The following MYH4 variants were observed in gnomAD, a reference collection of about 807,000 sequenced individuals.
MYH4 encodes myosin-4.
MYH4 carries 200 observed loss-of-function variants against 229.9 expected under a neutral mutation model. The observed-to-expected ratio is 0.87, with a 90% CI of 0.78 to 0.98. The LOEUF (loss-of-function observed/expected upper bound fraction) is 0.98, where lower values mean the gene tolerates loss of function less well. Ranked by LOEUF, MYH4 falls within the 50% of genes least tolerant of loss-of-function variation. The pLI, the probability that MYH4 is intolerant of heterozygous loss-of-function variation, is 0.00. For missense variants in MYH4, 2,148 were observed against 2,332.6 expected (o/e 0.92, Z 1.63); for synonymous variants, 761 against 834.6 (o/e 0.91, Z 1.52).
Position 10,466,378 on chromosome 17 carries a change from G to T in MYH4, c.243C>A (p.Asn81Lys), listed in dbSNP as rs1404997745. The T allele has an allele frequency of 6.2e-7, 1 of 1,614,130 alleles. No individual in the cohort carries two copies. The highest frequency in any genetic ancestry group is 1.1e-5 in the South Asian group (1 of 91,078). The change falls in exon 4 of 40, where the codon AAC becomes AAA. Residue 81 changes from asparagine to lysine, a missense_variant. Transcript: ENST00000255381. The stretch of plus-strand genomic sequence containing the variant: ...CCTCGATCTTGTCATATTTGGGAGG[G>T]TTCATGGAGAAGACTTGGTCTTCTT... ...TVKEDQVFSM[N>K]PPKYDKIEDM...
intron 38 of MYH4, 32 bp downstream of exon 38, chr17:10,444,763 A>C (rs1468271815): frequency 6.2e-7 from 1 of 1,612,106 alleles, no homozygotes; most frequent in Admixed American, 1.7e-5. Context: ...CTTGAAAACT[A>C]TAGGCCTGGA....
At position 10,452,435 on chromosome 17, in the gene MYH4, T is replaced by C; in HGVS notation, c.3329A>G (p.Lys1110Arg). Residue 1110 changes from lysine to arginine, a missense_variant, in exon 26 of 40, where the codon AAG becomes AGG. By Grantham distance (26) the Lys-to-Arg change is conservative. Coordinates refer to ENST00000255381, the MANE Select transcript of MYH4 (RefSeq NM_017533.2). ...DEQALAIQLQ[K>R]KIKELQARIE... Reference sequence around the variant, plus strand: ...ACTTACCTGTAATTCTTTGATCTTCTTTTGTAGCTGTATTGCAAGGGCTTG... The same window carrying C: ...ACTTACCTGTAATTCTTTGATCTTCCTTTGTAGCTGTATTGCAAGGGCTTG... 1 of 1,614,184 alleles carries C rather than the reference T, an allele frequency of 6.2e-7. No homozygotes were observed. The highest frequency in any genetic ancestry group is 8.5e-7 in the Non-Finnish European group (1 of 1,180,016).
chr17:10,453,681 C>T lies in MYH4; in HGVS notation c.2896G>A (p.Ala966Thr), dbSNP rs1462271152. Residue 966 changes from alanine (A) to threonine (T), a missense_variant, in exon 23 of 40, where the codon GCC becomes ACC. By Grantham distance (58) the Ala-to-Thr change is moderately conservative. Transcript: ENST00000255381. ...KDIDDLELTL[A>T]KVEKEKHATE... Reference sequence around the variant, plus strand: ...GCATGTTTCTCCTTCTCAACCTTGGCCAGTGTCAGCTCAAGGTCATCAATG... The same window carrying T: ...GCATGTTTCTCCTTCTCAACCTTGGTCAGTGTCAGCTCAAGGTCATCAATG... The T allele has an allele frequency of 2.5e-6, 4 of 1,613,884 alleles. No individual in the cohort carries two copies. The highest frequency in any genetic ancestry group is 3.4e-6 in the Non-Finnish European group (4 of 1,180,008).
At position 10,462,927 on chromosome 17, in the gene MYH4, C is replaced by A; in HGVS notation, c.946G>T (p.Val316Phe). ...GGCACAGTAATTTCCCCTTGGCTGA[C>A]AAATGCGAAGTCATATGGGTTGGTG... The part of the protein sequence containing the change: ...ITTNPYDFAF[V>F]SQGEITVPSI... The change falls in exon 11 of 40, where the codon GTC becomes TTC. Residue 316 changes from valine to phenylalanine, a missense_variant. Coordinates refer to ENST00000255381, the MANE Select transcript of MYH4 (RefSeq NM_017533.2). The A allele has an allele frequency of 6.2e-7, 1 of 1,614,086 alleles. No homozygotes were observed. Among genetic ancestry groups the A allele is most frequent in the African/African-American group, 1.3e-5 (1 of 75,038 alleles).
chr17:10,465,985 G>A (rs1394954245), intron 4 of MYH4, among the ~76,000 whole-genome samples: 2 of 151,260 alleles, frequency 1.3e-5, no homozygotes, highest in Non-Finnish European at 2.9e-5. Flanking sequence ...CGTTTTAGCC[G>A]GGATGGTCTC....
intron 11 of MYH4, 71 bp downstream of exon 11, chr17:10,462,794 A>G: frequency 7.9e-7 from 1 of 1,267,166 alleles, no homozygotes; most frequent in Non-Finnish European, 1.1e-6. Context: ...ACTGCTTTCC[A>G]CCCTAATAGA....
Position 10,451,376 on chromosome 17 carries a change from C to G in MYH4, c.3815G>C (p.Arg1272Pro), listed in dbSNP as rs757941172. The G allele has an allele frequency of 6.2e-7, 1 of 1,613,930 alleles. No homozygotes were observed. The highest frequency in any genetic ancestry group is 1.3e-5 in the African/African-American group (1 of 75,040). ...EIKTKEEEQQRLINELSAQKA... is the reference protein window; with the variant it reads ...EIKTKEEEQQPLINELSAQKA... The stretch of plus-strand genomic sequence containing the variant: ...CTGGGCTGACAACTCATTTATTAAG[C>G]GTTGTTGCTCTTCTTCCTTTGTTTT... The change falls in exon 28 of 40, where the codon CGC becomes CCC. Residue 1272 changes from arginine (R) to proline (P), a missense_variant. Arg to Pro is a moderately radical substitution (Grantham distance 103). Coordinates refer to ENST00000255381, the MANE Select transcript of MYH4 (RefSeq NM_017533.2).
chr17:10,459,457 A>C, intron 14 of MYH4, 36 bp from the exon 15 acceptor site: 1 of 1,614,150 alleles, frequency 6.2e-7, no homozygotes. Context: ...ATTACGCATA[A>C]CAAGTATTCT....
intron 39 of MYH4, among the ~76,000 whole-genome samples, chr17:10,444,232 A>G (rs1369062981): frequency 1.3e-5 from 2 of 151,708 alleles, no homozygotes; most frequent in South Asian, 2.1e-4. Flanking sequence ...AGCCAAATTG[A>G]AAAAAAAAGT....
chr17:10,457,378 A>G (rs758686810), intron 16 of MYH4, 42 bp downstream of exon 16: 2 of 1,543,692 alleles, frequency 1.3e-6, no homozygotes, highest in Non-Finnish European at 1.7e-6. Context: ...GTGTATATCT[A>G]TTTTGTGACT....
chr17:10,448,760 C>T lies in MYH4; in HGVS notation c.4389G>A (p.Lys1463=). ...CAAGTTCAGCCTGAGTTTCCTCATA[C>T]TTCTGTTTCCATTCTGCCAGAACCT... The part of the protein sequence containing the change: ...FDKVLAEWKQ[K]YEETQAELEA... The change falls in exon 32 of 40, where the codon AAG becomes AAA. Residue 1463 remains lysine (K), a synonymous_variant. Transcript: ENST00000255381. 1.2e-6 allele frequency: 2 copies of T among 1,614,028 alleles called. No individual in the cohort carries two copies. The highest frequency in any genetic ancestry group is 1.1e-5 in the South Asian group (1 of 91,078).
chr17:10,465,682 G>C, intron 4 of MYH4, 84 bp from the exon 5 acceptor site: 3 of 1,547,136 alleles, frequency 1.9e-6, no homozygotes, highest in Non-Finnish European at 2.7e-6. Context: ...AGTAGAGCAG[G>C]ACCTAAGTAC....
At position 10,445,844 on chromosome 17, in the gene MYH4, C is replaced by T. The variant is rs529804925; in HGVS notation, c.5170-482G>A. Among the ~76,000 whole-genome samples, 7 of 151,790 alleles carry T rather than the reference C, an allele frequency of 4.6e-5. 1 individual carries two copies. In the South Asian group the frequency reaches 8.4e-4, roughly 18 times the overall value. On this transcript the variant is annotated intron_variant, in intron 35 of 39. Transcript: ENST00000255381. Reference sequence around the variant, plus strand: ...GAGATCGAGACCATCCTGGCTAACACGGTGAAACCCCGTCTCTACTAAAAA... The same window carrying T: ...GAGATCGAGACCATCCTGGCTAACATGGTGAAACCCCGTCTCTACTAAAAA...
At chr17:10,464,363 AT>A in intron 7 of MYH4, 108 bp downstream of exon 7, 1 of 908,744 alleles carries the variant, frequency 1.1e-6, no homozygotes, top group Admixed American at 2.8e-5. Context: ...GCTGCATAGT[AT>A]TCCATGGTGT....
intron 15 of MYH4, among the ~76,000 whole-genome samples, chr17:10,458,942 A>G (rs1384405901): frequency 6.6e-6 from 1 of 152,244 alleles, no homozygotes; most frequent in Non-Finnish European, 1.5e-5. Flanking sequence ...TACACAACCC[A>G]GAGGAATAGC....
rs766566707 is a variant in MYH4, at chr17:10,447,794, CTA to C, written c.4965+22_4965+23del. 3.4e-5 allele frequency: 54 copies of C among 1,582,986 alleles called. 1 individual carries two copies. Among genetic ancestry groups the C allele is most frequent in the Non-Finnish European group, 4.6e-5 (53 of 1,163,676 alleles). ...ACAGTAGCACTGAGACTGTACAACA[CTA>C]TGTGTATTTACCCCAGCATACCTTC... On this transcript the variant is annotated intron_variant, in intron 34 of 39. Transcript: ENST00000255381.
chr17:10,458,414 T>A (rs2072664431), intron 15 of MYH4, among the ~76,000 whole-genome samples: 1 of 152,210 alleles, frequency 6.6e-6, no homozygotes, highest in Non-Finnish European at 1.5e-5. Context: ...AAAGTTTTCA[T>A]GAATAGTAGA....
intron 28 of MYH4, 100 bp downstream of exon 28, chr17:10,451,226 A>C: frequency 7.2e-7 from 1 of 1,387,514 alleles, no homozygotes; most frequent in Admixed American, 2.3e-5. Flanking sequence ...ATGATAAATG[A>C]ATGTACAGAG....
rs751356879 is a variant in MYH4 at position 10,462,934 on chromosome 17, G to A, written c.939C>T (p.Phe313=). 2.1e-5 allele frequency: 34 copies of A among 1,613,964 alleles called. No homozygotes were observed. The highest frequency in any genetic ancestry group is 2.7e-5 in the African/African-American group (2 of 74,910). ...TAATTTCCCCTTGGCTGACAAATGC[G>A]AAGTCATATGGGTTGGTGGTGATCA... is the stretch of plus-strand genomic sequence containing the variant. ...MLLITTNPYD[F]AFVSQGEITV... The change falls in exon 11 of 40, where the codon TTC becomes TTT. Residue 313 remains phenylalanine (F), a synonymous_variant. Coordinates refer to ENST00000255381, the MANE Select transcript of MYH4 (RefSeq NM_017533.2).
Sources: gnomAD v4.1 joint callset for allele counts (sites outside exome capture counted in the v4.1 genomes callset) on GRCh38, gnomAD v4.1.1 for gene constraint, MANE v1.5 for transcripts, NCBI Gene and HGNC (gene_info 2026-07-23, HGNC 2026-07-21) for gene names.